The following RBFOX1 variants were observed in gnomAD, a reference collection of about 807,000 sequenced individuals.
RBFOX1 encodes the protein RNA binding fox-1 homolog 1, also known as RNA binding protein fox-1 homolog 1.
In RBFOX1, 8 loss-of-function variants were observed where a neutral mutation model predicts 57.7. The ratio of observed to expected loss-of-function variants is 0.14; its 90% confidence interval spans 0.08 to 0.25. The LOEUF is 0.25. Among genes scored for constraint, RBFOX1 ranks in the 10% least tolerant of loss-of-function variants. RBFOX1 has a pLI of 1.00. For synonymous variants in RBFOX1, 326 were observed against 222.4 expected, an observed-to-expected ratio of 1.47 and a Z score of -4.15; for missense variants, 611 against 548.5, an observed-to-expected ratio of 1.11 and a Z score of -1.14.
intron 2 of RBFOX1, among the ~76,000 whole-genome samples, chr16:6,550,880 C>T (rs1394864169): frequency 1.3e-5 from 2 of 152,160 alleles, no homozygotes; most frequent in African/African-American, 4.8e-5. Flanking sequence ...GTGAGTTCTT[C>T]CCAGACAAGT....
intron 2 of RBFOX1, among the ~76,000 whole-genome samples, chr16:5,490,617 C>G (rs1363429862): frequency 2.6e-5 from 4 of 152,162 alleles, no homozygotes. Context: ...TGGCCCAGCC[C>G]TGCCTTGGTT....
chr16:5,661,511 A>G (rs1027739004), intron 3 of RBFOX1, among the ~76,000 whole-genome samples: 1 of 152,248 alleles, frequency 6.6e-6, no homozygotes, highest in Non-Finnish European at 1.5e-5. Context: ...CAGTTGTCTC[A>G]CAAATGTCTT....
At position 5,690,123 on chromosome 16, in the gene RBFOX1, G is replaced by A. The variant is rs180911173; in HGVS notation, c.318+91162G>A. Among the ~76,000 whole-genome samples, 387 of 152,306 alleles carry A rather than the reference G, an allele frequency of 2.5e-3. 3 individuals carry two copies. Among genetic ancestry groups the A allele is most frequent in the Middle Eastern group, 3.4e-3 (1 of 294 alleles). ...CCAGCGAGGTCATCCTGGTTAAGAC[G>A]CCCCGGTTGGTTTTATTTTCCCTGA... On this transcript the variant is annotated intron_variant, in intron 3 of 19. Coordinates refer to the RBFOX1 transcript ENST00000641259.
chr16:7,192,094 A>G (rs1470952633), intron 4 of RBFOX1, among the ~76,000 whole-genome samples: 2 of 152,172 alleles, frequency 1.3e-5, no homozygotes, highest in East Asian at 3.9e-4. Context: ...TCAAAACCAG[A>G]GAAAGGGGGA....
chr16:7,124,891 G>A (rs930144233), intron 4 of RBFOX1, among the ~76,000 whole-genome samples: 2 of 152,060 alleles, frequency 1.3e-5, no homozygotes, highest in African/African-American at 4.8e-5. Flanking sequence ...TATTTCACCA[G>A]CCAGTGACAG....
At chr16:5,441,336 G>C (rs1295670600) in intron 1 of RBFOX1, among the ~76,000 whole-genome samples, 2 of 150,300 alleles carry the variant, frequency 1.3e-5, no homozygotes, top group Non-Finnish European at 3.0e-5. Context: ...ACATACCTGA[G>C]ACTGGTTAAT....
intron 1 of RBFOX1, among the ~76,000 whole-genome samples, chr16:6,055,212 A>G (rs17139244): frequency 0.15 from 22,510 of 152,094 alleles, 1,786 homozygotes; most frequent in East Asian, 0.28. Context: ...AGCACTTATT[A>G]TCTTTCTCAT....
chr16:6,634,672 A>G (rs1254418633), intron 2 of RBFOX1, among the ~76,000 whole-genome samples: 2 of 62,842 alleles, frequency 3.2e-5, no homozygotes, highest in African/African-American at 8.0e-5. Context: ...GTATATATGT[A>G]AATATGTACA....
chr16:6,915,148 C>A (rs537129128), intron 3 of RBFOX1, among the ~76,000 whole-genome samples: 1 of 152,310 alleles, frequency 6.6e-6, no homozygotes, highest in South Asian at 2.1e-4. Flanking sequence ...GCTCTCCAGA[C>A]TCGGGGTCAA....
At chr16:5,717,345 G>T (rs1455297432) in intron 3 of RBFOX1, among the ~76,000 whole-genome samples, 2 of 151,390 alleles carry the variant, frequency 1.3e-5, no homozygotes, top group South Asian at 4.2e-4. Flanking sequence ...TCTTAATACA[G>T]ATTTAAAAAA....
At chr16:6,252,412 A>G (rs1221373160) in intron 1 of RBFOX1, among the ~76,000 whole-genome samples, 1 of 152,174 alleles carries the variant, frequency 6.6e-6, no homozygotes, top group African/African-American at 2.4e-5. Flanking sequence ...CAAAACAAAA[A>G]AGAAGAAAAA....
chr16:5,522,998 A>AACT lies in RBFOX1; in HGVS notation c.258+55744_258+55745insACT, dbSNP rs1384836145. On this transcript the variant is annotated intron_variant, in intron 2 of 2. Transcript: ENST00000585867. ...GTTGTGAATAAAGTGCTGCAAAATCATGGTGGGGGCTGGGCATTGTTACTC... is the reference window on the plus strand; with the variant it reads ...GTTGTGAATAAAGTGCTGCAAAATCAACTTGGTGGGGGCTGGGCATTGTTACTC... Among the ~76,000 whole-genome samples, 19 of 133,152 alleles carry AACT rather than the reference A, an allele frequency of 1.4e-4. 1 individual carries two copies. Among genetic ancestry groups the AACT allele is most frequent in the African/African-American group, 5.5e-4 (19 of 34,466 alleles). The allele number at this position is 133,152 out of a possible 152,430, so 87.4% of individuals were successfully genotyped here.
At chr16:7,523,159 G>A (rs981045378) in intron 5 of RBFOX1, among the ~76,000 whole-genome samples, 1 of 152,224 alleles carries the variant, frequency 6.6e-6, no homozygotes, top group Non-Finnish European at 1.5e-5. Flanking sequence ...ATTGTTGCAT[G>A]TGGTTGTAGC....
At chr16:5,239,968 G>C (rs752839141) in exon 1 of RBFOX1, 1 of 1,525,312 alleles carries the variant, frequency 6.6e-7, no homozygotes, top group South Asian at 1.2e-5. Flanking sequence ...GGAGGACGAC[G>C]TCCCTCCCGA....
chr16:5,916,502 C>A (rs1379485335), intron 4 of RBFOX1, among the ~76,000 whole-genome samples: 1 of 152,116 alleles, frequency 6.6e-6, no homozygotes, highest in African/African-American at 2.4e-5. Flanking sequence ...CTATTCACCA[C>A]TTGTTTTAAG....
chr16:7,522,140 A>T (rs906728977), intron 5 of RBFOX1, among the ~76,000 whole-genome samples: 22 of 152,266 alleles, frequency 1.4e-4, no homozygotes, highest in Non-Finnish European at 2.8e-4. Flanking sequence ...CCATTTCATC[A>T]GAGTTCATGA....
At chr16:5,884,897 G>T (rs2057858912) in intron 4 of RBFOX1, among the ~76,000 whole-genome samples, 1 of 152,160 alleles carries the variant, frequency 6.6e-6, no homozygotes, top group Non-Finnish European at 1.5e-5. Flanking sequence ...TTTTGCCATA[G>T]TCTGGTGCAC....
At chr16:6,289,722 G>A (rs1292255511) in intron 1 of RBFOX1, among the ~76,000 whole-genome samples, 2 of 152,154 alleles carry the variant, frequency 1.3e-5, no homozygotes, top group Non-Finnish European at 2.9e-5. Context: ...AAGGATGGTT[G>A]CATCCTGGGG....
chr16:6,692,456 T>C (rs144697344), intron 3 of RBFOX1, among the ~76,000 whole-genome samples: 8 of 152,192 alleles, frequency 5.3e-5, no homozygotes, highest in Non-Finnish European at 8.8e-5. Flanking sequence ...TCCTAGAACA[T>C]TGAAATGTTT....
Sources: gnomAD v4.1 joint callset for allele counts (sites outside exome capture counted in the v4.1 genomes callset) on GRCh38, gnomAD v4.1.1 for gene constraint, MANE v1.5 for transcripts, NCBI Gene and HGNC (gene_info 2026-07-23, HGNC 2026-07-21) for gene names.